GLE1: variants seen among roughly 807,000 people sequenced by gnomAD.
GLE1 encodes the protein mRNA export factor GLE1.
In GLE1, 78 loss-of-function variants were observed where a neutral mutation model predicts 97.3. The observed-to-expected ratio is 0.80, with a 90% confidence interval of 0.67 to 0.97. The LOEUF (loss-of-function observed/expected upper bound fraction) is 0.97, where lower values mean the gene tolerates loss of function less well. Among genes scored for constraint, GLE1 ranks in the 50% least tolerant of loss-of-function variants. GLE1 has a pLI of 0.00. For synonymous variants in GLE1, 302 were observed against 313.4 expected (o/e 0.96, Z 0.39); for missense variants, 753 against 857.5 (o/e 0.88, Z 1.52).
intron 2 of GLE1, among the ~76,000 whole-genome samples, chr9:128,513,701 C>A: frequency 6.7e-6 from 1 of 149,240 alleles, no homozygotes. Context: ...AGAGTAAGAC[C>A]CTGTCTCAAA....
intron 1 of GLE1, among the ~76,000 whole-genome samples, chr9:128,508,212 A>G (rs908016078): frequency 3.4e-5 from 5 of 148,470 alleles, no homozygotes; most frequent in Non-Finnish European, 7.4e-5. Context: ...CAGCCTGGGC[A>G]ACATATCAAG....
chr9:128,507,726 A>T (rs1430672992), intron 1 of GLE1, among the ~76,000 whole-genome samples: 2 of 146,960 alleles, frequency 1.4e-5, no homozygotes, highest in Non-Finnish European at 1.5e-5. Flanking sequence ...TGTCTCTAGT[A>T]ATAATACAAA....
intron 6 of GLE1, 41 bp downstream of exon 6, chr9:128,523,887 T>C (rs765224379): frequency 6.2e-7 from 1 of 1,608,438 alleles, no homozygotes; most frequent in Admixed American, 1.7e-5. Flanking sequence ...GTCTTTGAAA[T>C]GGAAGCCTTT....
At chr9:128,527,936 C>G (rs1451773971) in intron 9 of GLE1, among the ~76,000 whole-genome samples, 1 of 151,440 alleles carries the variant, frequency 6.6e-6, no homozygotes, top group African/African-American at 2.4e-5. Flanking sequence ...TTCACTCCAG[C>G]CTGGGTGACA....
chr9:128,516,286 G>A (rs1846984676), intron 3 of GLE1, among the ~76,000 whole-genome samples: 1 of 151,708 alleles, frequency 6.6e-6, no homozygotes, highest in African/African-American at 2.4e-5. Flanking sequence ...AAAAATAGCA[G>A]CACTATTTTA....
chr9:128,539,715 G>T lies in GLE1; in HGVS notation c.1964+17G>T, dbSNP rs141306765. 3 of 1,613,692 alleles carry T rather than the reference G, an allele frequency of 1.9e-6. No individual in the cohort carries two copies. The African/African-American group carries it at 4.0e-5, about 22-fold the overall frequency. On this transcript the variant is annotated intron_variant, in intron 14 of 15. Coordinates refer to ENST00000309971, the MANE Select transcript of GLE1 (RefSeq NM_001003722.2). Reference sequence around the variant, plus strand: ...CTTTCCCAGGTATCAGGCTTGTTGAGCAGACAGCAGGGGATTAAGTAACTC... The same window carrying T: ...CTTTCCCAGGTATCAGGCTTGTTGATCAGACAGCAGGGGATTAAGTAACTC...
At chr9:128,522,908 TTC>T in intron 4 of GLE1, 92 bp downstream of exon 4, 1 of 1,402,862 alleles carries the variant, frequency 7.1e-7, no homozygotes, top group Non-Finnish European at 1.0e-6. Flanking sequence ...GTTGAACAAC[TTC>T]TGAGTCCTTA....
At chr9:128,511,719 A>C (rs202160900) in intron 2 of GLE1, among the ~76,000 whole-genome samples, 2 of 152,016 alleles carry the variant, frequency 1.3e-5, no homozygotes, top group East Asian at 3.9e-4. Context: ...AAAAAAAAAA[A>C]ATTAACGTGA....
At chr9:128,529,330 C>A (rs1197965000) in intron 9 of GLE1, among the ~76,000 whole-genome samples, 1 of 152,184 alleles carries the variant, frequency 6.6e-6, no homozygotes, top group African/African-American at 2.4e-5. Flanking sequence ...GTGACATTTA[C>A]CTCTTAGTCT....
At chr9:128,531,214 CAAA>C (rs34976261) in intron 9 of GLE1, among the ~76,000 whole-genome samples, 7 of 40,850 alleles carry the variant, frequency 1.7e-4, no homozygotes, top group Admixed American at 5.5e-4. Context: ...AACTCCATCT[CAAA>C]AAAAAAAAAA....
chr9:128,533,632 TACAA>T lies in GLE1; in HGVS notation c.1435_1438del (p.Lys479TrpfsTer6). The stretch of plus-strand genomic sequence containing the variant: ...CCCACAGGGGCTGGACTTTGTTCAA[TACAA>T]ACTGGCAGAGAAATTTGTGGTGAGA... On this transcript the variant is annotated frameshift_variant, in exon 10 of 16. Transcript: ENST00000309971. LOFTEE classifies it high-confidence loss of function. 6.2e-7 allele frequency: 1 copy of T among 1,614,178 alleles called. No homozygotes were observed. The highest frequency in any genetic ancestry group is 2.2e-5 in the East Asian group (1 of 44,880).
chr9:128,525,075 T>G, intron 6 of GLE1, 117 bp from the exon 7 acceptor site: 2 of 761,126 alleles, frequency 2.6e-6, no homozygotes, highest in Non-Finnish European at 4.7e-6. Flanking sequence ...TATCAATTCG[T>G]TGAATGTGGA....
chr9:128,520,532 T>C (rs1847124336), intron 3 of GLE1, among the ~76,000 whole-genome samples: 2 of 151,400 alleles, frequency 1.3e-5, no homozygotes, highest in South Asian at 4.2e-4. Context: ...ACAGCAAGAG[T>C]TGACTGTTTT....
At chr9:128,533,466 A>C (rs1409345075) in intron 9 of GLE1, 47 bp from the exon 10 acceptor site, 6 of 1,176,416 alleles carry the variant, frequency 5.1e-6, no homozygotes, top group Non-Finnish European at 5.0e-6. Flanking sequence ...AAAGAAAAAG[A>C]GATTGATCTG....
chr9:128,523,601 C>A lies in GLE1; in HGVS notation c.652C>A (p.Leu218Met). ...EHRHRAKILNLKLREAEQQRV... is the reference protein window; with the variant it reads ...EHRHRAKILNMKLREAEQQRV... ...CAGCCCTTTTCTACAGATTCTCAAC[C>A]TGAAGCTGCGGGAAGCAGAGCAGCA... The change falls in exon 6 of 16, where the codon CTG (leucine) becomes ATG (methionine). Residue 218 changes from leucine to methionine, a missense_variant. Transcript: ENST00000309971. 1.2e-6 allele frequency: 2 copies of A among 1,614,084 alleles called. No individual in the cohort carries two copies. Among genetic ancestry groups the A allele is most frequent in the African/African-American group, 1.3e-5 (1 of 75,018 alleles).
chr9:128,510,234 C>CT (rs778018874), intron 2 of GLE1, among the ~76,000 whole-genome samples: 5,947 of 144,306 alleles, frequency 0.041, 138 homozygotes, highest in African/African-American at 0.05. Context: ...TTTTCTTTTT[C>CT]TTTTTTTTTT....
chr9:128,512,910 A>C (rs1046326964), intron 2 of GLE1, among the ~76,000 whole-genome samples: 1 of 152,164 alleles, frequency 6.6e-6, no homozygotes, highest in African/African-American at 2.4e-5. Flanking sequence ...TGGCCTCCCA[A>C]CATGCTGGGA....
intron 2 of GLE1, among the ~76,000 whole-genome samples, chr9:128,512,058 A>G (rs1220359266): frequency 6.6e-6 from 1 of 152,102 alleles, no homozygotes; most frequent in African/African-American, 2.4e-5. Context: ...GATCTGCCCA[A>G]CTTGGCCTCC....
At chr9:128,519,225 CT>C (rs1847069913) in intron 3 of GLE1, among the ~76,000 whole-genome samples, 1 of 152,142 alleles carries the variant, frequency 6.6e-6, no homozygotes, top group Admixed American at 6.6e-5. Flanking sequence ...AATATGAAAT[CT>C]GGGCACCTTG....
Sources: allele counts gnomAD v4.1 joint callset (sites outside exome capture counted in the v4.1 genomes callset), GRCh38; gene constraint gnomAD v4.1.1; transcripts MANE v1.5; gene names NCBI Gene and HGNC (gene_info 2026-07-23, HGNC 2026-07-21).